The following ARID1B variants were observed in gnomAD, a reference collection of about 807,000 sequenced individuals.
The protein encoded by ARID1B is AT-rich interactive domain-containing protein 1B.
In ARID1B, 30 loss-of-function variants were observed where a neutral mutation model predicts 212.3. The observed-to-expected ratio is 0.14, with a 90% confidence interval of 0.11 to 0.19. ARID1B has a LOEUF of 0.19. Among genes scored for constraint, ARID1B ranks in the 10% least tolerant of loss-of-function variants. The probability of loss-of-function intolerance (pLI) is 1.00; values close to 1 mark genes in which losing one functional copy is unlikely to be tolerated. For synonymous variants in ARID1B, 1,402 were observed against 1,301.7 expected (o/e 1.08, Z -1.66); for missense variants, 2,891 against 3,204.0 (o/e 0.90, Z 2.36).
intron 6 of ARID1B, among the ~76,000 whole-genome samples, chr6:157,115,981 A>G (rs1320498588): frequency 6.6e-6 from 1 of 152,228 alleles, no homozygotes; most frequent in Non-Finnish European, 1.5e-5. Flanking sequence ...GGAACAGTTC[A>G]GATAACCTTA....
In ARID1B at chr6:157,200,748, A is replaced by G. The variant is rs1794037937; in HGVS notation, c.4523A>G (p.Lys1508Arg). The change falls in exon 18 of 20, where the codon AAG (lysine) becomes AGG (arginine). Residue 1508 changes from lysine to arginine, a missense_variant. By Grantham distance (26) the Lys-to-Arg change is conservative. Transcript: ENST00000636930. The surrounding 1 kb of genome is among the most constrained non-coding windows in gnomAD (Gnocchi z 4.3). ...HMDGMYGPPA[K>R]RHEGDMYNMQ... ...GACGGCATGTACGGGCCCCCAGCCAAGCGCCACGAGGGCGACATGTACAAC... is the reference window on the plus strand; with the variant it reads ...GACGGCATGTACGGGCCCCCAGCCAGGCGCCACGAGGGCGACATGTACAAC... 6.2e-7 allele frequency: 1 copy of G among 1,613,356 alleles called. No homozygotes were observed. Among genetic ancestry groups the G allele is most frequent in the Non-Finnish European group, 8.5e-7 (1 of 1,179,826 alleles).
chr6:156,921,659 G>T (rs185598951), intron 3 of ARID1B, among the ~76,000 whole-genome samples: 1 of 152,148 alleles, frequency 6.6e-6, no homozygotes, highest in Non-Finnish European at 1.5e-5. Flanking sequence ...TCTTAGAGTG[G>T]GGAAGAGATA....
At chr6:157,138,451 T>A (rs1789094843) in intron 7 of ARID1B, among the ~76,000 whole-genome samples, 1 of 152,214 alleles carries the variant, frequency 6.6e-6, no homozygotes, top group African/African-American at 2.4e-5. Flanking sequence ...TTGCCCAAGC[T>A]AGTTTCAAAC....
Position 156,920,861 on chromosome 6 carries a change from C to CTT in ARID1B, c.2137-14594_2137-14593dup, listed in dbSNP as rs375978825. On this transcript the variant is annotated intron_variant, in intron 3 of 19. Transcript: ENST00000636930. ...TCTCTTTTTCTTGTTCTTTTCTTTT[C>CTT]TTTTTTTTTTTTGACAGAGTTTCAC... Among the ~76,000 whole-genome samples the CTT allele has an allele frequency of 8.4e-3, 1,207 of 144,072 alleles. 12 individuals carry two copies. The highest frequency in any genetic ancestry group is 0.028 in the African/African-American group (1,117 of 39,564). 94.5% of individuals were successfully genotyped at this position (144,072 alleles called of 152,430 possible). A position where few individuals can be genotyped will look rare whatever the true frequency, so the allele number is the denominator to read the frequency against.
chr6:156,994,564 T>A (rs919684483), intron 4 of ARID1B, among the ~76,000 whole-genome samples: 4 of 151,946 alleles, frequency 2.6e-5, no homozygotes, highest in African/African-American at 4.8e-5. Flanking sequence ...TCCTGGATAA[T>A]CAGAGGCAGC....
chr6:156,915,504 G>A (rs1416689561), intron 3 of ARID1B, among the ~76,000 whole-genome samples: 1 of 152,036 alleles, frequency 6.6e-6, no homozygotes, highest in Non-Finnish European at 1.5e-5. Flanking sequence ...GGAGGCAGAG[G>A]TCGCAGTGAG....
chr6:156,963,586 T>C (rs938211675), intron 4 of ARID1B, among the ~76,000 whole-genome samples: 2 of 152,238 alleles, frequency 1.3e-5, no homozygotes, highest in African/African-American at 4.8e-5. Flanking sequence ...GTTGTCTTTT[T>C]TGTTATATTA....
chr6:157,000,413 C>T (rs1778841215), intron 4 of ARID1B, among the ~76,000 whole-genome samples: 1 of 152,052 alleles, frequency 6.6e-6, no homozygotes, highest in Admixed American at 6.5e-5. Flanking sequence ...GATGTGAGAA[C>T]AGTAAAGTAA....
chr6:156,853,822 G>C (rs1009823915), intron 2 of ARID1B, among the ~76,000 whole-genome samples: 1 of 152,126 alleles, frequency 6.6e-6, no homozygotes, highest in Non-Finnish European at 1.5e-5. Context: ...CTGCAGCCTA[G>C]GACTCCTGTG....
chr6:157,028,753 T>C (rs1215877409), intron 4 of ARID1B, among the ~76,000 whole-genome samples: 4 of 152,190 alleles, frequency 2.6e-5, no homozygotes, highest in Non-Finnish European at 5.9e-5. Context: ...ATGGAAAAGG[T>C]ATGGTACTGT....
At chr6:156,783,498 A>T (rs1420188699) in intron 1 of ARID1B, among the ~76,000 whole-genome samples, 1 of 152,140 alleles carries the variant, frequency 6.6e-6, no homozygotes, top group African/African-American at 2.4e-5. Context: ...TCTATTTTTT[A>T]TTAATAGACT....
intron 1 of ARID1B, among the ~76,000 whole-genome samples, chr6:156,814,885 A>T (rs1385728160): frequency 6.6e-6 from 1 of 152,100 alleles, no homozygotes; most frequent in Non-Finnish European, 1.5e-5. Flanking sequence ...AATACAACAA[A>T]TGCTTTTTAG....
chr6:157,193,997 C>T (rs1446737091), intron 15 of ARID1B: 1 of 152,240 alleles, frequency 6.6e-6, no homozygotes. Context: ...TAAGAATGAT[C>T]ATTGTCCATC....
chr6:156,776,473 C>T (rs965944490), upstream of ARID1B: 20 of 152,186 alleles, frequency 1.3e-4, no homozygotes, highest in African/African-American at 4.8e-4. Flanking sequence ...AGAGGGTTAA[C>T]TGTGCACACG....
At chr6:157,151,430 C>T (rs184796564) in intron 8 of ARID1B, 2 of 152,282 alleles carry the variant, frequency 1.3e-5, no homozygotes, top group Admixed American at 1.3e-4. Context: ...GTGCCAAAAA[C>T]TTCTATTATT....
intron 4 of ARID1B, among the ~76,000 whole-genome samples, chr6:157,084,127 T>G (rs1784804634): frequency 6.8e-6 from 1 of 147,838 alleles, no homozygotes; most frequent in African/African-American, 2.6e-5. Context: ...AGAGTGAGAC[T>G]TCATCACCTC....
intron 4 of ARID1B, among the ~76,000 whole-genome samples, chr6:157,019,766 C>A (rs141901444): frequency 1.3e-5 from 2 of 152,322 alleles, no homozygotes; most frequent in East Asian, 3.9e-4. Context: ...TCTTTAGTCT[C>A]CTGCAACTTG....
intron 4 of ARID1B, among the ~76,000 whole-genome samples, chr6:156,975,956 GT>G (rs35611699): frequency 2.0e-5 from 3 of 151,878 alleles, no homozygotes; most frequent in Non-Finnish European, 4.4e-5. Flanking sequence ...GTTGGGAGCA[GT>G]TTTTTTGTGG....
At chr6:156,888,496 A>T (rs913076894) in intron 2 of ARID1B, among the ~76,000 whole-genome samples, 2 of 152,254 alleles carry the variant, frequency 1.3e-5, no homozygotes, top group African/African-American at 4.8e-5. Flanking sequence ...TTTGCATTAA[A>T]AACAATGGAA....
Sources: allele counts gnomAD v4.1 joint callset (sites outside exome capture counted in the v4.1 genomes callset), GRCh38; gene constraint gnomAD v4.1.1; non-coding constraint Gnocchi (gnomAD v3.1); transcripts MANE v1.5; gene names NCBI Gene and HGNC (gene_info 2026-07-23, HGNC 2026-07-21).